The following RELL1 variants were observed in gnomAD, a reference collection of about 807,000 sequenced individuals.
The protein encoded by RELL1 is RELT like 1.
Under a neutral mutation model 23.0 loss-of-function variants are expected in RELL1, and 10 were observed. The ratio of observed to expected loss-of-function variants is 0.43; its 90% CI spans 0.27 to 0.74. The LOEUF is 0.74. Among genes scored for constraint, RELL1 ranks in the 30% least tolerant of loss-of-function variants. The pLI, the probability that RELL1 is intolerant of heterozygous loss-of-function variation, is 0.19. For missense variants in RELL1, 315 were observed against 364.4 expected, an observed-to-expected ratio of 0.86 and a Z score of 1.10; for synonymous variants, 146 against 146.8, an observed-to-expected ratio of 0.99 and a Z score of 0.04.
intron 1 of RELL1, among the ~76,000 whole-genome samples, chr4:37,681,735 G>A (rs1722233356): frequency 6.6e-6 from 1 of 151,964 alleles, no homozygotes; most frequent in African/African-American, 2.4e-5. Context: ...CACCATATTG[G>A]CCAGGCTGGT....
intron 6 of RELL1, chr4:37,622,696 G>T (rs533372302): frequency 1.2e-5 from 5 of 417,020 alleles, no homozygotes; most frequent in South Asian, 8.8e-5. Flanking sequence ...TAAGCACTAG[G>T]ATAGAAGCTC....
chr4:37,664,808 G>A (rs933888397), intron 1 of RELL1, among the ~76,000 whole-genome samples: 2 of 151,966 alleles, frequency 1.3e-5, no homozygotes, highest in Non-Finnish European at 2.9e-5. Flanking sequence ...ACTGGGTCGA[G>A]GCAGAGAAAT....
At chr4:37,605,531 C>A (rs184262565) in intron 6 of RELL1, among the ~76,000 whole-genome samples, 1 of 152,016 alleles carries the variant, frequency 6.6e-6, no homozygotes, top group Admixed American at 6.6e-5. Context: ...CACTTGAGGC[C>A]AGGAGTTCAA....
chr4:37,589,148 C>G (rs993561785), downstream of RELL1, among the ~76,000 whole-genome samples: 9 of 152,170 alleles, frequency 5.9e-5, no homozygotes, highest in Non-Finnish European at 1.5e-5. Flanking sequence ...TGAATTTGGT[C>G]TGGGTTTCTG....
downstream of RELL1, among the ~76,000 whole-genome samples, chr4:37,605,846 GGAAAA>G (rs146597622): frequency 2.8e-3 from 283 of 101,470 alleles, 4 homozygotes; most frequent in Non-Finnish European, 4.1e-3. Flanking sequence ...AAAGAAAGAA[GGAAAA>G]GAAAAGAAAA....
intron 1 of RELL1, among the ~76,000 whole-genome samples, chr4:37,663,015 C>A (rs553449964): frequency 6.6e-6 from 1 of 152,286 alleles, no homozygotes; most frequent in East Asian, 1.9e-4. Flanking sequence ...ACCAACTGTG[C>A]CTCTAAGACA....
chr4:37,666,205 G>C (rs60264964), intron 1 of RELL1, among the ~76,000 whole-genome samples: 6,842 of 152,268 alleles, frequency 0.045, 374 homozygotes, highest in South Asian at 0.18. Flanking sequence ...TAGAAATGGA[G>C]ATGATCAAGA....
intron 5 of RELL1, among the ~76,000 whole-genome samples, chr4:37,633,846 C>A (rs910263237): frequency 6.6e-6 from 1 of 152,122 alleles, no homozygotes; most frequent in Admixed American, 6.5e-5. Flanking sequence ...CATGGAGCAA[C>A]GTAACAGTTT....
At chr4:37,647,217 A>T in intron 3 of RELL1, 151 bp downstream of exon 3, 1 of 572,642 alleles carries the variant, frequency 1.7e-6, no homozygotes, top group East Asian at 3.0e-5. Context: ...CTCATGTGAA[A>T]CTTGCGTAGC....
At chr4:37,614,670 C>T (rs73807853) in intron 6 of RELL1, among the ~76,000 whole-genome samples, 10,889 of 149,230 alleles carry the variant, frequency 0.073, 471 homozygotes, top group African/African-American at 0.11. Context: ...ATAAAAATGG[C>T]CCTAAAAAAA....
At chr4:37,669,110 TCTGCCCGGCCGCCC>T (rs1721671644) in intron 1 of RELL1, among the ~76,000 whole-genome samples, 1 of 122,504 alleles carries the variant, frequency 8.2e-6, no homozygotes, top group African/African-American at 3.6e-5. Flanking sequence ...GAGGGGCGCC[TCTGCCCGGCCGCCC>T]CTACTGGGAA....
At chr4:37,608,646 A>T (rs1336730013), downstream of RELL1, among the ~76,000 whole-genome samples, 1 of 142,166 alleles carries the variant, frequency 7.0e-6, no homozygotes, top group Non-Finnish European at 1.5e-5. Context: ...TTTAAATTTA[A>T]TTTTTTTTTT....
chr4:37,653,843 G>A (rs1177975171), intron 1 of RELL1, among the ~76,000 whole-genome samples: 1 of 152,192 alleles, frequency 6.6e-6, no homozygotes, highest in Non-Finnish European at 1.5e-5. Flanking sequence ...TCCCTGTGGA[G>A]AGAAAATAGC....
At chr4:37,635,381 T>G (rs2109264215) in intron 4 of RELL1, among the ~76,000 whole-genome samples, 1 of 152,192 alleles carries the variant, frequency 6.6e-6, no homozygotes, top group South Asian at 2.1e-4. Flanking sequence ...ATCCCAGCAT[T>G]TTGAGAGGCC....
At chr4:37,679,497 T>TA (rs1722134727) in intron 1 of RELL1, among the ~76,000 whole-genome samples, 1 of 152,202 alleles carries the variant, frequency 6.6e-6, no homozygotes. Flanking sequence ...CATAATCCCT[T>TA]ATCTGAAAAC....
At chr4:37,604,810 G>GAC (rs199773530) in intron 6 of RELL1, among the ~76,000 whole-genome samples, 3 of 73,626 alleles carry the variant, frequency 4.1e-5, no homozygotes, top group South Asian at 4.7e-4. Context: ...CACACACACA[G>GAC]ACACACACAC....
intron 1 of RELL1, among the ~76,000 whole-genome samples, chr4:37,654,503 C>T (rs1452638542): frequency 6.6e-6 from 1 of 152,224 alleles, no homozygotes; most frequent in Non-Finnish European, 1.5e-5. Context: ...ATGTCTAAAA[C>T]ATTTATAAAC....
In RELL1 at chr4:37,610,972, AT is replaced by A. The variant is rs1298849781; in HGVS notation, c.*2373del. ...ATGTGTTGAAAATACTGAACGCTTAATTTTGGCAAATTTGGAAGCCTGCCAG... is the reference window on the plus strand; with the variant it reads ...ATGTGTTGAAAATACTGAACGCTTAATTTGGCAAATTTGGAAGCCTGCCAG... On this transcript the variant is annotated 3_prime_UTR_variant, in exon 7 of 7. Coordinates refer to ENST00000454158, the MANE Select transcript of RELL1 (RefSeq NM_001085400.2). The surrounding 1 kb of genome is among the most constrained non-coding windows in gnomAD (Gnocchi z 4.1). 6.6e-6 allele frequency among the ~76,000 whole-genome samples: 1 copy of A among 152,348 alleles called. No individual in the cohort carries two copies. Among genetic ancestry groups the A allele is most frequent in the East Asian group, 1.9e-4 (1 of 5,182 alleles).
chr4:37,604,840 G>GACACACACATACAC (rs140152997), intron 6 of RELL1, among the ~76,000 whole-genome samples: 2 of 37,846 alleles, frequency 5.3e-5, no homozygotes, highest in Admixed American at 2.2e-4. Context: ...CATACACACA[G>GACACACACATACAC]ACACACACAC....
Sources: gnomAD v4.1 joint callset for allele counts (sites outside exome capture counted in the v4.1 genomes callset) on GRCh38, gnomAD v4.1.1 for gene constraint, Gnocchi (gnomAD v3.1) non-coding constraint, MANE v1.5 for transcripts, NCBI Gene and HGNC (gene_info 2026-07-23, HGNC 2026-07-21) for gene names.